MAGI1: variants seen among roughly 807,000 people sequenced by gnomAD.
MAGI1 encodes the protein membrane associated guanylate kinase, WW and PDZ domain containing 1.
In MAGI1, 58 loss-of-function variants were observed where a neutral mutation model predicts 139.9. The ratio of observed to expected loss-of-function variants is 0.41; its 90% CI spans 0.34 to 0.52. The LOEUF is 0.52. Ranked by LOEUF, MAGI1 falls within the 20% of genes least tolerant of loss-of-function variation. The pLI is 0.12. For missense variants in MAGI1, 1,874 were observed against 1,901.6 expected (o/e 0.99, Z 0.27); for synonymous variants, 812 against 737.9 (o/e 1.10, Z -1.63).
At chr3:65,569,139 T>A (rs2080821609) in intron 2 of MAGI1, among the ~76,000 whole-genome samples, 1 of 152,190 alleles carries the variant, frequency 6.6e-6, no homozygotes, top group Admixed American at 6.5e-5. Context: ...ACAACCTGGA[T>A]GAACTCTGAA....
chr3:65,426,512 G>C (rs902469929), intron 12 of MAGI1, among the ~76,000 whole-genome samples: 2 of 152,150 alleles, frequency 1.3e-5, no homozygotes, highest in Admixed American at 1.3e-4. Flanking sequence ...GAGACTCATG[G>C]AACAGTGTAG....
intron 21 of MAGI1, among the ~76,000 whole-genome samples, chr3:65,362,124 G>A (rs1235609487): frequency 2.6e-5 from 4 of 152,148 alleles, no homozygotes; most frequent in Non-Finnish European, 5.9e-5. Context: ...CTATCATTTG[G>A]TAACTGATTT....
intron 4 of MAGI1, among the ~76,000 whole-genome samples, chr3:65,472,096 A>G (rs542122325): frequency 1.3e-5 from 2 of 152,322 alleles, no homozygotes; most frequent in South Asian, 4.1e-4. Flanking sequence ...TAGTTTTGCA[A>G]CTTGCACCCA....
rs116889308 is a variant in MAGI1 at position 65,429,888 on chromosome 3, C to T, written c.1799G>A (p.Gly600Asp). The stretch of plus-strand genomic sequence containing the variant: ...GGCATCCTTCATGCCATTGACTTTG[C>T]CTGTTTTACTACTGTGGCTAGCTGG... ...DSPASHSSKT[G>D]KVNGMKDARP... Residue 600 changes from glycine (G) to aspartate (D), a missense_variant, in exon 12 of 23, where the codon GGC becomes GAC. By Grantham distance (94) the Gly-to-Asp change is moderately conservative. This residue lies in a region of MAGI1 where 482 missense variants were observed against 509.6 expected (regional missense o/e 0.95). Coordinates refer to ENST00000402939, the MANE Select transcript of MAGI1 (RefSeq NM_001033057.2). 25 of 1,613,978 alleles carry T rather than the reference C, an allele frequency of 1.5e-5. No homozygotes were observed. In the East Asian group the frequency reaches 4.9e-4, roughly 32 times the overall value.
chr3:65,378,457 C>T (rs1334219508), intron 17 of MAGI1, among the ~76,000 whole-genome samples: 1 of 152,136 alleles, frequency 6.6e-6, no homozygotes, highest in Non-Finnish European at 1.5e-5. Flanking sequence ...AGACTAGCAT[C>T]TCATGTAGTA....
At chr3:66,036,590 A>G (rs1481700742) in intron 1 of MAGI1, among the ~76,000 whole-genome samples, 3 of 152,180 alleles carry the variant, frequency 2.0e-5, no homozygotes, top group Non-Finnish European at 4.4e-5. Context: ...AGCTTTCCAT[A>G]GCTAAGTGTC....
intron 4 of MAGI1, 117 bp from the exon 5 acceptor site, chr3:65,470,601 G>C: frequency 1.7e-6 from 1 of 590,684 alleles, no homozygotes; most frequent in Non-Finnish European, 3.0e-6. Context: ...ATTCTTAAAT[G>C]CTCTTATCCT....
intron 1 of MAGI1, among the ~76,000 whole-genome samples, chr3:65,774,285 G>C (rs1390871814): frequency 2.0e-5 from 3 of 152,134 alleles, no homozygotes; most frequent in African/African-American, 7.2e-5. Flanking sequence ...TGATGTTACT[G>C]TCAAAGGCGT....
At position 65,484,062 on chromosome 3, in the gene MAGI1, G is replaced by A. The variant is rs117392014; in HGVS notation, c.551-5264C>T. Among the ~76,000 whole-genome samples the A allele has an allele frequency of 9.0e-4, 137 of 152,186 alleles. 2 individuals carry two copies. In the East Asian group the frequency reaches 0.026, roughly 28 times the overall value. On this transcript the variant is annotated intron_variant, in intron 3 of 22. Transcript: ENST00000402939. The stretch of plus-strand genomic sequence containing the variant: ...GCATGGGAAATACAAAGTAAAAATT[G>A]GACTGAAACACGATCTTCACAACCA...
chr3:65,516,126 A>G (rs924147261), intron 2 of MAGI1, among the ~76,000 whole-genome samples: 2 of 152,182 alleles, frequency 1.3e-5, no homozygotes, highest in Non-Finnish European at 2.9e-5. Context: ...GAATTGCCTG[A>G]GCACAGAAGT....
chr3:65,598,256 G>T (rs1011650160), intron 2 of MAGI1, among the ~76,000 whole-genome samples: 1 of 152,310 alleles, frequency 6.6e-6, no homozygotes, highest in African/African-American at 2.4e-5. Flanking sequence ...GCCTCTCCCT[G>T]CTGGGGCGTG....
chr3:66,033,331 T>G (rs533646936), intron 1 of MAGI1, among the ~76,000 whole-genome samples: 4 of 152,294 alleles, frequency 2.6e-5, no homozygotes, highest in African/African-American at 9.6e-5. Context: ...CTATCTTATA[T>G]GCAGTCAGTG....
intron 12 of MAGI1, among the ~76,000 whole-genome samples, chr3:65,427,102 G>A (rs62252636): frequency 0.11 from 16,010 of 152,152 alleles, 928 homozygotes; most frequent in African/African-American, 0.13. Context: ...TCCCTTGAGC[G>A]CGGGAGTTCG....
intron 1 of MAGI1, among the ~76,000 whole-genome samples, chr3:65,952,669 C>T (rs1344507175): frequency 1.3e-5 from 2 of 152,090 alleles, no homozygotes; most frequent in East Asian, 3.9e-4. Flanking sequence ...AAAAAATTAG[C>T]CAAGCGTGGT....
chr3:65,865,143 T>C (rs192061114), intron 1 of MAGI1, among the ~76,000 whole-genome samples: 122 of 152,264 alleles, frequency 8.0e-4, no homozygotes, highest in African/African-American at 2.7e-3. Context: ...TAACATACGA[T>C]AATGTTTACT....
intron 1 of MAGI1, among the ~76,000 whole-genome samples, chr3:65,734,530 AGAGGGGGAG>A: frequency 6.9e-6 from 1 of 145,888 alleles, no homozygotes; most frequent in Non-Finnish European, 1.5e-5. Flanking sequence ...AGAGAAAGAG[AGAGGGGGAG>A]AGAGAGAAAG....
At chr3:66,019,315 T>C (rs1040810503) in intron 1 of MAGI1, among the ~76,000 whole-genome samples, 4 of 152,196 alleles carry the variant, frequency 2.6e-5, no homozygotes, top group Admixed American at 6.5e-5. Flanking sequence ...GGCTCTCTGG[T>C]GCATTAAAGG....
intron 1 of MAGI1, among the ~76,000 whole-genome samples, chr3:65,623,655 A>G (rs2083809516): frequency 6.6e-6 from 1 of 152,178 alleles, no homozygotes; most frequent in African/African-American, 2.4e-5. Context: ...CCCTATGGTC[A>G]AAAAGAGTAA....
At chr3:65,814,166 T>C (rs891993470) in intron 1 of MAGI1, among the ~76,000 whole-genome samples, 9 of 152,146 alleles carry the variant, frequency 5.9e-5, no homozygotes, top group African/African-American at 1.2e-4. Context: ...GCTAAAGATA[T>C]AGATTACTCT....
Sources: allele counts gnomAD v4.1 joint callset (sites outside exome capture counted in the v4.1 genomes callset), GRCh38; gene constraint gnomAD v4.1.1; regional missense constraint gnomAD v4.1.1; transcripts MANE v1.5; gene names NCBI Gene and HGNC (gene_info 2026-07-23, HGNC 2026-07-21).